ATP6V0E1: variants seen among roughly 807,000 people sequenced by gnomAD.
ATP6V0E1 encodes V-type proton ATPase subunit e 1.
ATP6V0E1 carries 4 observed loss-of-function variants against 11.6 expected under a neutral mutation model. That is an observed-to-expected ratio of 0.35 (90% CI 0.17 to 0.79). The LOEUF is 0.79. ATP6V0E1 is among the 30% of genes least tolerant of loss of function. The pLI is 0.54. For synonymous variants in ATP6V0E1, 36 were observed against 34.8 expected (o/e 1.04, Z -0.13); for missense variants, 105 against 100.0 (o/e 1.05, Z -0.21).
At chr5:173,025,738 T>G (rs1320782777) in intron 3 of ATP6V0E1, among the ~76,000 whole-genome samples, 1 of 151,980 alleles carries the variant, frequency 6.6e-6, no homozygotes, top group Non-Finnish European at 1.5e-5. Context: ...GCTCAAGCGA[T>G]CCAACTGCCT....
At chr5:173,027,165 C>T (rs1414116917) in intron 3 of ATP6V0E1, among the ~76,000 whole-genome samples, 4 of 83,052 alleles carry the variant, frequency 4.8e-5, no homozygotes, top group Non-Finnish European at 8.9e-5. Context: ...GGTGACACAG[C>T]GAGACTCCGT....
chr5:173,000,537 T>C (rs1199280422), intron 2 of ATP6V0E1, among the ~76,000 whole-genome samples: 2 of 152,102 alleles, frequency 1.3e-5, no homozygotes, highest in East Asian at 1.9e-4. Flanking sequence ...CATCATGATA[T>C]AGGAAAATAA....
Position 172,983,810 on chromosome 5 carries a change from G to T in ATP6V0E1, c.-51G>T. 1 of 1,560,952 alleles carries T rather than the reference G, an allele frequency of 6.4e-7. No homozygotes were observed. On this transcript the variant is annotated 5_prime_UTR_variant, in exon 1 of 4. Transcript: ENST00000519374. ...CGCGGTCAGCTATTGACACTTCCTG[G>T]TGGGATCCGAGTGAGGCGACGGGGT... is the stretch of plus-strand genomic sequence containing the variant.
chr5:172,986,379 A>C (rs1282635587), intron 1 of ATP6V0E1, among the ~76,000 whole-genome samples: 1 of 152,150 alleles, frequency 6.6e-6, no homozygotes, highest in East Asian at 1.9e-4. Context: ...TCACACCCAT[A>C]ATATGCAGCA....
intron 3 of ATP6V0E1, among the ~76,000 whole-genome samples, chr5:173,030,915 AT>A (rs1261040444): frequency 6.9e-5 from 10 of 144,392 alleles, no homozygotes; most frequent in African/African-American, 2.6e-4. Flanking sequence ...TGCTTGGCTA[AT>A]TTTTGTATTT....
chr5:173,000,046 GAAAATGCCCCTTTTCA>G (rs1299006406), intron 2 of ATP6V0E1, among the ~76,000 whole-genome samples: 22 of 152,134 alleles, frequency 1.4e-4, no homozygotes, highest in Admixed American at 1.4e-3. Flanking sequence ...ACATTTTCTT[GAAAATGCCCCTTTTCA>G]AGTAAGGCAC....
At chr5:172,993,952 A>C (rs1756026291) in intron 1 of ATP6V0E1, among the ~76,000 whole-genome samples, 1 of 152,138 alleles carries the variant, frequency 6.6e-6, no homozygotes, top group African/African-American at 2.4e-5. Flanking sequence ...GCCTCTTGGA[A>C]ACCAAATGAT....
At chr5:173,011,175 CTTTTT>C (rs754605378) in intron 2 of ATP6V0E1, among the ~76,000 whole-genome samples, 6 of 114,702 alleles carry the variant, frequency 5.2e-5, no homozygotes, top group Admixed American at 2.8e-4. Flanking sequence ...CCTGATTTAT[CTTTTT>C]TTTTTTTTTT....
At chr5:173,020,557 TA>T (rs1756463464) in intron 3 of ATP6V0E1, 190 bp downstream of exon 3, 6 of 559,232 alleles carry the variant, frequency 1.1e-5, no homozygotes, top group Non-Finnish European at 1.9e-5. Context: ...AGATTCTTTT[TA>T]GATTCTGCTA....
At chr5:173,031,956 G>T (rs933501573) in intron 3 of ATP6V0E1, among the ~76,000 whole-genome samples, 1 of 151,830 alleles carries the variant, frequency 6.6e-6, no homozygotes, top group Non-Finnish European at 1.5e-5. Context: ...ACCAGCCTGG[G>T]TAACATGGTG....
intron 3 of ATP6V0E1, among the ~76,000 whole-genome samples, chr5:173,024,322 G>A (rs1756524860): frequency 6.6e-6 from 1 of 151,790 alleles, no homozygotes; most frequent in African/African-American, 2.4e-5. Flanking sequence ...GGTATTCAAT[G>A]AGATTTTTTT....
intron 3 of ATP6V0E1, among the ~76,000 whole-genome samples, chr5:173,021,711 A>T (rs912469613): frequency 1.3e-5 from 2 of 152,098 alleles, no homozygotes; most frequent in Non-Finnish European, 2.9e-5. Context: ...TCAACATGAG[A>T]TTTGGAGGGG....
intron 3 of ATP6V0E1, among the ~76,000 whole-genome samples, chr5:173,031,362 G>A (rs1335139475): frequency 6.6e-6 from 1 of 150,868 alleles, no homozygotes; most frequent in Non-Finnish European, 1.5e-5. Flanking sequence ...GGGATTACAG[G>A]CATGAGCCAC....
At chr5:172,989,453 A>G (rs1755946753) in intron 1 of ATP6V0E1, among the ~76,000 whole-genome samples, 1 of 152,194 alleles carries the variant, frequency 6.6e-6, no homozygotes, top group Admixed American at 6.5e-5. Flanking sequence ...GGGAAGATAA[A>G]TTAACATCAA....
At chr5:173,017,753 A>G (rs1756424598) in intron 2 of ATP6V0E1, among the ~76,000 whole-genome samples, 1 of 148,672 alleles carries the variant, frequency 6.7e-6, no homozygotes, top group Admixed American at 6.8e-5. Context: ...AAGCAGGAGA[A>G]TTGCTTGAAC....
chr5:173,002,048 C>A (rs1204170043), intron 2 of ATP6V0E1, among the ~76,000 whole-genome samples: 6 of 152,158 alleles, frequency 3.9e-5, no homozygotes, highest in African/African-American at 1.4e-4. Context: ...AATGAACCTT[C>A]ATTTGCTTAC....
intron 2 of ATP6V0E1, among the ~76,000 whole-genome samples, chr5:172,999,844 T>C (rs2113588560): frequency 6.6e-6 from 1 of 152,312 alleles, no homozygotes; most frequent in African/African-American, 2.4e-5. Context: ...AGCTGGATAG[T>C]ATTGACTTTA....
chr5:173,026,547 A>G (rs1007170559), intron 3 of ATP6V0E1, among the ~76,000 whole-genome samples: 2 of 152,140 alleles, frequency 1.3e-5, no homozygotes, highest in African/African-American at 2.4e-5. Flanking sequence ...ACACATACAC[A>G]CTGCTGTTAC....
rs200070720 is a variant in ATP6V0E1 at position 173,032,257 on chromosome 5, A to ATTTTT, written c.*37-2139_*37-2138insTTTTT. Reference sequence around the variant, plus strand: ...CATTTACTTTTATTTTATTTTATTTATTTATTTATTTATTTATTTATTTAT... The same window carrying ATTTTT: ...CATTTACTTTTATTTTATTTTATTTATTTTTTTTATTTATTTATTTATTTATTTAT... On this transcript the variant is annotated intron_variant, in intron 3 of 3. Transcript: ENST00000519374. Among the ~76,000 whole-genome samples the ATTTTT allele has an allele frequency of 2.6e-3, 261 of 98,640 alleles. 4 individuals are homozygous for ATTTTT. The highest frequency in any genetic ancestry group is 9.1e-3 in the African/African-American group (234 of 25,600). 64.7% of individuals were successfully genotyped at this position (98,640 alleles called of 152,430 possible).
Sources: gnomAD v4.1 joint callset for allele counts (sites outside exome capture counted in the v4.1 genomes callset) on GRCh38, gnomAD v4.1.1 for gene constraint, MANE v1.5 for transcripts, NCBI Gene and HGNC (gene_info 2026-07-23, HGNC 2026-07-21) for gene names.